The following ZNF627 variants were observed in gnomAD, a reference collection of about 807,000 sequenced individuals.
ZNF627 encodes zinc finger protein 627.
In ZNF627, 12 loss-of-function variants were observed where a neutral mutation model predicts 10.6. That is an observed-to-expected ratio of 1.13 (90% confidence interval 0.73 to 1.84). The LOEUF is 1.84. ZNF627 is among the 40% of genes most tolerant of loss of function. The pLI is 0.00. For synonymous variants in ZNF627, 176 were observed against 187.1 expected (o/e 0.94, Z 0.48); for missense variants, 504 against 568.4 (o/e 0.89, Z 1.15).
chr19:11,597,678 T>A, intron 1 of ZNF627, 48 bp downstream of exon 1: 1 of 1,332,610 alleles, frequency 7.5e-7, no homozygotes, highest in Non-Finnish European at 9.7e-7. Context: ...AGGGGCTGGT[T>A]GGAACCGGCC....
intron 1 of ZNF627, among the ~76,000 whole-genome samples, chr19:11,603,148 G>A (rs1471094470): frequency 6.6e-6 from 1 of 152,114 alleles, no homozygotes; most frequent in Non-Finnish European, 1.5e-5. Flanking sequence ...TTTCACGCAT[G>A]CTGGTTTCTG....
rs755562446 is a variant in ZNF627, at chr19:11,616,676, T to G, written c.192-19T>G. ...TATAAACAAAACATTAATAATGTAC[T>G]TCTCATTTTTCTGACAAGTCATATT... is the stretch of plus-strand genomic sequence containing the variant. On this transcript the variant is annotated intron_variant, in intron 3 of 3. Coordinates refer to ENST00000361113, the MANE Select transcript of ZNF627 (RefSeq NM_145295.4). 5 of 1,479,240 alleles carry G rather than the reference T, an allele frequency of 3.4e-6. No individual in the cohort carries two copies. Among genetic ancestry groups the G allele is most frequent in the Middle Eastern group, 1.8e-4 (1 of 5,610 alleles). 91.6% of individuals were successfully genotyped at this position (1,479,240 alleles called of 1,614,324 possible).
chr19:11,608,132 A>AC (rs2145130150), intron 1 of ZNF627, among the ~76,000 whole-genome samples: 1 of 152,338 alleles, frequency 6.6e-6, no homozygotes, highest in African/African-American at 2.4e-5. Flanking sequence ...TGCAGAGCGA[A>AC]GAGTGGCAAA....
At chr19:11,608,958 G>A (rs1009534494) in intron 1 of ZNF627, among the ~76,000 whole-genome samples, 5 of 152,036 alleles carry the variant, frequency 3.3e-5, no homozygotes, top group African/African-American at 4.8e-5. Flanking sequence ...TGCAATCTCC[G>A]CCTTCTGAGT....
At chr19:11,606,617 G>C (rs1315961118) in intron 1 of ZNF627, among the ~76,000 whole-genome samples, 3 of 152,306 alleles carry the variant, frequency 2.0e-5, no homozygotes, top group Middle Eastern at 3.4e-3. Flanking sequence ...CCACAGTGGG[G>C]ACTCTCTGTG....
intron 1 of ZNF627, among the ~76,000 whole-genome samples, chr19:11,613,056 ATG>A (rs1211045407): frequency 3.0e-5 from 3 of 100,606 alleles, no homozygotes; most frequent in Non-Finnish European, 6.0e-5. Flanking sequence ...CCATTTATGA[ATG>A]TGTACCTCCC....
intron 1 of ZNF627, among the ~76,000 whole-genome samples, chr19:11,599,956 G>A (rs1475566962): frequency 6.6e-6 from 1 of 152,076 alleles, no homozygotes; most frequent in Non-Finnish European, 1.5e-5. Flanking sequence ...TTCCAGGTTA[G>A]CGCAGCCCCT....
chr19:11,606,292 A>T (rs1973673564), intron 1 of ZNF627, among the ~76,000 whole-genome samples: 1 of 151,884 alleles, frequency 6.6e-6, no homozygotes, highest in Non-Finnish European at 1.5e-5. Context: ...AGCCGAGATC[A>T]TGCCACTGCA....
chr19:11,597,538 A>C lies in ZNF627; in HGVS notation c.-90A>C. ...CGTCTCCGTTTCTCCGAGAGGCCCAAGGTGTCTCCGCCGCAGCCTCTGTCG... is the reference window on the plus strand; with the variant it reads ...CGTCTCCGTTTCTCCGAGAGGCCCACGGTGTCTCCGCCGCAGCCTCTGTCG... On this transcript the variant is annotated 5_prime_UTR_variant, in exon 1 of 4. Transcript: ENST00000361113. 4.0e-6 allele frequency: 5 copies of C among 1,262,444 alleles called. No individual in the cohort carries two copies. Among genetic ancestry groups the C allele is most frequent in the Non-Finnish European group, 5.1e-6 (5 of 987,836 alleles). The allele number at this position is 1,262,444 out of a possible 1,614,324, so 78.2% of individuals were successfully genotyped here. A position where few individuals can be genotyped will look rare whatever the true frequency, so the allele number is the denominator to read the frequency against.
Position 11,597,767 on chromosome 19 carries a change from G to T in ZNF627, c.3+137G>T, listed in dbSNP as rs1973515854. ...ACCCGAGTTCCCTCGGCCGCAAGGT[G>T]GGGCTGGGCCAGGAGCTGGGACCCC... On this transcript the variant is annotated intron_variant, in intron 1 of 3. Transcript: ENST00000361113. The T allele has an allele frequency of 9.2e-6, 9 of 974,866 alleles. No individual in the cohort carries two copies. The East Asian group carries it at 2.6e-4, about 28-fold the overall frequency. The allele number at this position is 974,866 out of a possible 1,614,324, so 60.4% of individuals were successfully genotyped here. A position where few individuals can be genotyped will look rare whatever the true frequency, so the allele number is the denominator to read the frequency against.
chr19:11,598,891 C>T (rs991288613), intron 1 of ZNF627, among the ~76,000 whole-genome samples: 3 of 152,114 alleles, frequency 2.0e-5, no homozygotes, highest in Non-Finnish European at 2.9e-5. Flanking sequence ...CTCAGAATGT[C>T]TTTTGGTTGG....
rs762332050 is a variant in ZNF627, at chr19:11,597,625, G to T, written c.-3G>T. ...GGACGCCGGGACACCTGGAAGCCGA[G>T]AAATGGTGCGTGTGAGGGGTCAGGC... On this transcript the variant is annotated 5_prime_UTR_variant, in exon 1 of 4. Coordinates refer to ENST00000361113, the MANE Select transcript of ZNF627 (RefSeq NM_145295.4). The T allele has an allele frequency of 4.5e-6, 6 of 1,334,828 alleles. No homozygotes were observed. Among genetic ancestry groups the T allele is most frequent in the Non-Finnish European group, 5.8e-6 (6 of 1,036,140 alleles). 82.7% of individuals were successfully genotyped at this position (1,334,828 alleles called of 1,614,324 possible).
In ZNF627 at chr19:11,616,888, A is replaced by G. The variant is rs1177978329; in HGVS notation, c.385A>G (p.Asn129Asp). Residue 129 changes from asparagine (N) to aspartate (D), a missense_variant, in exon 4 of 4, where the codon AAT becomes GAT. Asn to Asp is a conservative substitution (Grantham distance 23). Coordinates refer to ENST00000361113, the MANE Select transcript of ZNF627 (RefSeq NM_145295.4). ...CAGAGATCACACTGGACGTGAACCA[A>G]ATGAATATCAGGAATATGGAAAGAA... ...HIRDHTGREP[N>D]EYQEYGKKSY... 2 of 1,614,012 alleles carry G rather than the reference A, an allele frequency of 1.2e-6. No homozygotes were observed. The highest frequency in any genetic ancestry group is 1.7e-5 in the Admixed American group (1 of 59,994).
chr19:11,603,547 A>G (rs1260989944), intron 1 of ZNF627, among the ~76,000 whole-genome samples: 2 of 151,636 alleles, frequency 1.3e-5, no homozygotes, highest in East Asian at 3.9e-4. Flanking sequence ...TATGCCTCCC[A>G]AAGTGTTGGG....
intron 1 of ZNF627, among the ~76,000 whole-genome samples, chr19:11,610,668 T>G (rs1007497012): frequency 7.9e-5 from 12 of 152,154 alleles, no homozygotes; most frequent in African/African-American, 2.9e-4. Flanking sequence ...AACTTGAATC[T>G]GTACTCCTGG....
chr19:11,605,080 C>CTTT (rs1006143184), intron 1 of ZNF627, among the ~76,000 whole-genome samples: 2,049 of 105,896 alleles, frequency 0.019, 56 homozygotes, highest in Non-Finnish European at 0.021. Flanking sequence ...TTCTTTCTTT[C>CTTT]TTTTTTTTTT....
In ZNF627 at chr19:11,615,241, C is replaced by T. The variant is rs189043955; in HGVS notation, c.191+354C>T. On this transcript the variant is annotated intron_variant, in intron 3 of 3. Transcript: ENST00000361113. ...GATTACAGGCCTGAGCCACCATGCC[C>T]AGCAGGAATTTTTAAAAGCAAGCAA... 5.1e-4 allele frequency among the ~76,000 whole-genome samples: 77 copies of T among 150,360 alleles called. 1 individual carries two copies. The highest frequency in any genetic ancestry group is 1.7e-3 in the African/African-American group (70 of 41,044).
At chr19:11,612,996 G>GT (rs898400915) in intron 1 of ZNF627, among the ~76,000 whole-genome samples, 16 of 149,076 alleles carry the variant, frequency 1.1e-4, no homozygotes, top group African/African-American at 3.7e-4. Flanking sequence ...TTTTTGAAAA[G>GT]TATTTTTTTC....
intron 1 of ZNF627, among the ~76,000 whole-genome samples, chr19:11,609,471 T>TTA (rs1168205815): frequency 0.027 from 1,444 of 52,918 alleles, 34 homozygotes; most frequent in Non-Finnish European, 0.048. Context: ...TTAAAAAATT[T>TTA]TATATATATA....
Sources: allele counts gnomAD v4.1 joint callset (sites outside exome capture counted in the v4.1 genomes callset), GRCh38; gene constraint gnomAD v4.1.1; transcripts MANE v1.5; gene names NCBI Gene and HGNC (gene_info 2026-07-23, HGNC 2026-07-21).